EXT1: variants seen among roughly 807,000 people sequenced by gnomAD.
EXT1 encodes exostosin-1.
A neutral mutation model predicts 82.5 loss-of-function variants in EXT1; 20 were observed. The observed-to-expected ratio is 0.24, with a 90% CI of 0.17 to 0.35. The LOEUF is 0.35. EXT1 is among the 10% of genes least tolerant of loss of function. EXT1 has a pLI of 1.00. For missense variants in EXT1, 757 were observed against 936.5 expected (o/e 0.81, Z 2.50); for synonymous variants, 348 against 350.8 (o/e 0.99, Z 0.09).
intron 1 of EXT1, among the ~76,000 whole-genome samples, chr8:117,982,563 T>C (rs1815231396): frequency 6.6e-6 from 1 of 152,168 alleles, no homozygotes; most frequent in Admixed American, 6.6e-5. Context: ...CAATCTCGGC[T>C]CACTGCAGCC....
chr8:117,902,847 A>T (rs1813475163), intron 1 of EXT1, among the ~76,000 whole-genome samples: 1 of 152,270 alleles, frequency 6.6e-6, no homozygotes, highest in South Asian at 2.1e-4. Flanking sequence ...TCGTTGTCAG[A>T]CAATGAGAGG....
At chr8:117,846,406 C>T (rs1812362740) in intron 1 of EXT1, among the ~76,000 whole-genome samples, 6 of 152,112 alleles carry the variant, frequency 3.9e-5, no homozygotes. Context: ...TCGTGCCTGG[C>T]CAGCACCAGC....
At chr8:117,899,740 T>C (rs554211482) in intron 1 of EXT1, among the ~76,000 whole-genome samples, 2 of 152,142 alleles carry the variant, frequency 1.3e-5, no homozygotes, top group Non-Finnish European at 2.9e-5. Flanking sequence ...GCAACCAATA[T>C]AAAATAAAGC....
intron 1 of EXT1, among the ~76,000 whole-genome samples, chr8:118,029,148 A>T (rs543965405): frequency 4.6e-4 from 70 of 151,416 alleles, no homozygotes; most frequent in African/African-American, 1.6e-3. Context: ...GAATATAAAA[A>T]ATAATGTGCC....
chr8:117,891,655 G>C (rs1233344333), intron 1 of EXT1, among the ~76,000 whole-genome samples: 1 of 152,086 alleles, frequency 6.6e-6, no homozygotes, highest in African/African-American at 2.4e-5. Context: ...TTGTATGCAG[G>C]GGCAGCACCA....
At position 117,980,694 on chromosome 8, in the gene EXT1, GGTGGTTTTTTTTTTTTTTT is replaced by G. The variant is rs1438729597; in HGVS notation, c.962+129372_962+129390del. Among the ~76,000 whole-genome samples, 247 of 123,394 alleles carry G rather than the reference GGTGGTTTTTTTTTTTTTTT, an allele frequency of 2.0e-3. 7 individuals carry two copies. In the Middle Eastern group the frequency reaches 0.021, roughly 11 times the overall value. The allele number at this position is 123,394 out of a possible 152,430, so 81.0% of individuals were successfully genotyped here. A position where few individuals can be genotyped will look rare whatever the true frequency, so the allele number is the denominator to read the frequency against. On this transcript the variant is annotated intron_variant, in intron 1 of 10. Transcript: ENST00000378204. Reference sequence around the variant, plus strand: ...GGGAAGGTTTGTTTGTTCGGGTGTTGGTGGTTTTTTTTTTTTTTTTTTTTTTTTTTTTTTTTTCCAGTGT... The same window carrying G: ...GGGAAGGTTTGTTTGTTCGGGTGTTGTTTTTTTTTTTTTTTTTTCCAGTGT...
intron 1 of EXT1, among the ~76,000 whole-genome samples, chr8:117,916,341 T>C (rs1265811918): frequency 6.6e-6 from 1 of 152,184 alleles, no homozygotes; most frequent in Admixed American, 6.5e-5. Context: ...GTAATTCTGA[T>C]ACCAGTCTCC....
At chr8:117,960,878 AAAT>A (rs552830428) in intron 1 of EXT1, among the ~76,000 whole-genome samples, 3 of 152,196 alleles carry the variant, frequency 2.0e-5, no homozygotes, top group Non-Finnish European at 2.9e-5. Context: ...TTTGTTTTTC[AAAT>A]AATAGCGGGG....
chr8:117,984,292 G>A (rs1050587254), intron 1 of EXT1, among the ~76,000 whole-genome samples: 1 of 152,108 alleles, frequency 6.6e-6, no homozygotes, highest in African/African-American at 2.4e-5. Context: ...GGTAGTGGGT[G>A]CCTATAATCC....
chr8:117,856,422 A>ATTTTT (rs951647677), intron 1 of EXT1, among the ~76,000 whole-genome samples: 2 of 83,762 alleles, frequency 2.4e-5, no homozygotes, highest in Admixed American at 1.2e-4. Context: ...GCCTGGCTAA[A>ATTTTT]TTTTTTTTTT....
chr8:117,908,919 T>C (rs555202772), intron 1 of EXT1, among the ~76,000 whole-genome samples: 1 of 151,366 alleles, frequency 6.6e-6, no homozygotes, highest in South Asian at 2.1e-4. Flanking sequence ...AGCCCAGGAG[T>C]TCAAAACCAG....
At chr8:118,017,683 C>G (rs1340018821) in intron 1 of EXT1, among the ~76,000 whole-genome samples, 3 of 152,162 alleles carry the variant, frequency 2.0e-5, no homozygotes, top group African/African-American at 7.2e-5. Flanking sequence ...ATGGCTTTTG[C>G]AAATTATCAA....
intron 1 of EXT1, among the ~76,000 whole-genome samples, chr8:117,902,225 G>T (rs1400836788): frequency 6.6e-6 from 1 of 151,620 alleles, no homozygotes; most frequent in African/African-American, 2.4e-5. Context: ...TCTCCTGAAG[G>T]ACCTGTCTGA....
chr8:117,939,582 A>AG (rs1814234806), intron 1 of EXT1, among the ~76,000 whole-genome samples: 1 of 151,242 alleles, frequency 6.6e-6, no homozygotes, highest in Non-Finnish European at 1.5e-5. Context: ...AAAAAAAAAA[A>AG]AAAAGAAAAA....
At chr8:117,868,048 C>G (rs1161721720) in intron 1 of EXT1, among the ~76,000 whole-genome samples, 6 of 152,208 alleles carry the variant, frequency 3.9e-5, no homozygotes, top group Non-Finnish European at 7.3e-5. Flanking sequence ...AAGTCCTTAA[C>G]TTTATATTCC....
At chr8:118,103,681 C>T (rs182479429) in intron 1 of EXT1, among the ~76,000 whole-genome samples, 5 of 152,252 alleles carry the variant, frequency 3.3e-5, no homozygotes, top group East Asian at 1.9e-4. Context: ...GGACACCCTG[C>T]AGGATGCTAT....
At chr8:117,900,772 A>G (rs1398107658) in intron 1 of EXT1, among the ~76,000 whole-genome samples, 1 of 152,208 alleles carries the variant, frequency 6.6e-6, no homozygotes, top group African/African-American at 2.4e-5. Flanking sequence ...AGCAATAGGA[A>G]ATTTGATGGC....
At chr8:118,049,702 A>G (rs1384873483) in intron 1 of EXT1, among the ~76,000 whole-genome samples, 1 of 152,236 alleles carries the variant, frequency 6.6e-6, no homozygotes, top group Non-Finnish European at 1.5e-5. Context: ...GACATTGCCA[A>G]TAAACCTTCA....
intron 1 of EXT1, among the ~76,000 whole-genome samples, chr8:117,908,565 G>T (rs1813583999): frequency 6.6e-6 from 1 of 152,076 alleles, no homozygotes; most frequent in African/African-American, 2.4e-5. Flanking sequence ...GGGAGGCAGA[G>T]GTTGCAGTGA....
Sources: allele counts gnomAD v4.1 joint callset (sites outside exome capture counted in the v4.1 genomes callset), GRCh38; gene constraint gnomAD v4.1.1; transcripts MANE v1.5; gene names NCBI Gene and HGNC (gene_info 2026-07-23, HGNC 2026-07-21).